Variants in USP32 observed in about 807,000 individuals in gnomAD.
USP32 encodes the protein ubiquitin carboxyl-terminal hydrolase 32.
In USP32, 59 loss-of-function variants were observed where a neutral mutation model predicts 204.8. The ratio of observed to expected loss-of-function variants is 0.29; its 90% CI spans 0.23 to 0.36. The LOEUF is 0.36. Ranked by LOEUF, USP32 falls within the 10% of genes least tolerant of loss-of-function variation. The pLI, the probability that USP32 is intolerant of heterozygous loss-of-function variation, is 1.00. For missense variants in USP32, 1,160 were observed against 1,946.4 expected, an observed-to-expected ratio of 0.60 and a Z score of 7.60; for synonymous variants, 517 against 678.4, an observed-to-expected ratio of 0.76 and a Z score of 3.70.
At chr17:60,385,332 C>T (rs1207880378) in intron 1 of USP32, among the ~76,000 whole-genome samples, 1 of 152,186 alleles carries the variant, frequency 6.6e-6, no homozygotes, top group East Asian at 1.9e-4. Flanking sequence ...CCCGCCTGCA[C>T]CCAGGTGATT....
intron 15 of USP32, among the ~76,000 whole-genome samples, chr17:60,220,206 CTATA>C (rs1199602348): frequency 2.0e-5 from 3 of 151,994 alleles, no homozygotes; most frequent in East Asian, 3.9e-4. Context: ...TATTCATTAG[CTATA>C]TAGTCATGCT....
rs185708386 is a variant in USP32, at chr17:60,281,221, T to C, written c.571+7302A>G. ...TCACAAAGCCAAGTGTTCACAAATATAAGAGGATGCATATTCATTATAAAA... is the reference window on the plus strand; with the variant it reads ...TCACAAAGCCAAGTGTTCACAAATACAAGAGGATGCATATTCATTATAAAA... On this transcript the variant is annotated intron_variant, in intron 5 of 33. Transcript: ENST00000300896. 2.2e-3 allele frequency among the ~76,000 whole-genome samples: 331 copies of C among 152,226 alleles called. 4 individuals carry two copies. The highest frequency in any genetic ancestry group is 7.5e-3 in the African/African-American group (312 of 41,536).
intron 2 of USP32, among the ~76,000 whole-genome samples, chr17:60,334,599 G>A (rs1395626479): frequency 6.9e-6 from 1 of 145,682 alleles, no homozygotes; most frequent in Non-Finnish European, 1.5e-5. Context: ...GGCTGAGGCA[G>A]GAGAATGGCC....
At chr17:60,225,896 G>T in intron 13 of USP32, 143 bp downstream of exon 13, 1 of 823,850 alleles carries the variant, frequency 1.2e-6, no homozygotes, top group Non-Finnish European at 1.8e-6. Flanking sequence ...GGAGGTTGCA[G>T]TGAGCAGAGA....
intron 2 of USP32, among the ~76,000 whole-genome samples, chr17:60,319,614 C>T (rs1212394109): frequency 1.3e-5 from 2 of 151,706 alleles, no homozygotes; most frequent in African/African-American, 4.8e-5. Context: ...CCCATCTCTA[C>T]CAAAAAAATA....
chr17:60,197,780 T>C (rs2084560663), intron 27 of USP32, among the ~76,000 whole-genome samples: 1 of 152,200 alleles, frequency 6.6e-6, no homozygotes, highest in Non-Finnish European at 1.5e-5. Context: ...TCTAGATTTA[T>C]GAAATTACTT....
intron 26 of USP32, among the ~76,000 whole-genome samples, chr17:60,202,575 G>T (rs2145462852): frequency 6.6e-6 from 1 of 152,104 alleles, no homozygotes; most frequent in Middle Eastern, 3.4e-3. Flanking sequence ...TCTAATCCAT[G>T]AACATGGTTT....
intron 11 of USP32, among the ~76,000 whole-genome samples, chr17:60,246,911 C>A (rs2086042513): frequency 6.6e-6 from 1 of 151,884 alleles, no homozygotes; most frequent in Non-Finnish European, 1.5e-5. Flanking sequence ...TGAGTTGAGG[C>A]CTTTATACAT....
intron 1 of USP32, among the ~76,000 whole-genome samples, chr17:60,349,673 A>T (rs2088902481): frequency 7.4e-6 from 1 of 134,288 alleles, no homozygotes; most frequent in Admixed American, 7.7e-5. Context: ...ACACATATAT[A>T]TATACACACA....
chr17:60,321,527 C>T (rs907244375), intron 2 of USP32, among the ~76,000 whole-genome samples: 7 of 152,042 alleles, frequency 4.6e-5, no homozygotes, highest in Admixed American at 2.0e-4. Flanking sequence ...AATTAGGAAA[C>T]GACAATCAAT....
chr17:60,248,886 TA>T (rs748610927), intron 11 of USP32, among the ~76,000 whole-genome samples: 16 of 152,218 alleles, frequency 1.1e-4, no homozygotes, highest in Non-Finnish European at 2.2e-4. Context: ...CCATGTCTCA[TA>T]ATTTTTTCTT....
intron 11 of USP32, among the ~76,000 whole-genome samples, chr17:60,247,475 C>T (rs1365032320): frequency 6.6e-6 from 1 of 152,046 alleles, no homozygotes; most frequent in African/African-American, 2.4e-5. Flanking sequence ...CCACCTCGCC[C>T]AGCCTCTTTA....
chr17:60,332,563 G>A (rs1407604737), intron 2 of USP32, among the ~76,000 whole-genome samples: 5 of 152,010 alleles, frequency 3.3e-5, no homozygotes, highest in African/African-American at 7.3e-5. Flanking sequence ...CAGGAGAATC[G>A]CTTGAACCCA....
At chr17:60,308,932 TA>T (rs1468862637) in intron 2 of USP32, among the ~76,000 whole-genome samples, 2 of 151,708 alleles carry the variant, frequency 1.3e-5, no homozygotes, top group African/African-American at 4.8e-5. Context: ...TGTCTCAAAA[TA>T]AAAAACAAGA....
intron 27 of USP32, among the ~76,000 whole-genome samples, chr17:60,193,478 T>C (rs1158079103): frequency 6.6e-6 from 1 of 152,210 alleles, no homozygotes; most frequent in Admixed American, 6.5e-5. Context: ...GCCCTGTGAA[T>C]TTTCCAACTT....
chr17:60,342,912 C>T (rs1038868661), intron 2 of USP32, among the ~76,000 whole-genome samples: 5 of 152,170 alleles, frequency 3.3e-5, no homozygotes, highest in East Asian at 3.9e-4. Flanking sequence ...TGCTTCACCT[C>T]GCCCTCCGTG....
At chr17:60,351,629 T>C (rs1187162963) in intron 1 of USP32, among the ~76,000 whole-genome samples, 1 of 152,288 alleles carries the variant, frequency 6.6e-6, no homozygotes, top group East Asian at 1.9e-4. Context: ...GGTTTCGCCA[T>C]GCTGGCCAGG....
At chr17:60,327,709 C>T (rs1567854478) in intron 2 of USP32, among the ~76,000 whole-genome samples, 1 of 152,226 alleles carries the variant, frequency 6.6e-6, no homozygotes, top group African/African-American at 2.4e-5. Flanking sequence ...CTGGATTCTG[C>T]ACCCTCAGGG....
chr17:60,234,966 T>A (rs554486353), intron 12 of USP32, among the ~76,000 whole-genome samples: 8 of 152,246 alleles, frequency 5.3e-5, no homozygotes, highest in African/African-American at 1.9e-4. Flanking sequence ...GATTCTCCCA[T>A]GTATACCTCT....
Sources: gnomAD v4.1 joint callset for allele counts (sites outside exome capture counted in the v4.1 genomes callset) on GRCh38, gnomAD v4.1.1 for gene constraint, MANE v1.5 for transcripts, NCBI Gene and HGNC (gene_info 2026-07-23, HGNC 2026-07-21) for gene names.